Variants in SIMC1 observed in about 807,000 individuals in gnomAD.
SIMC1 encodes the protein SUMO-interacting motif-containing protein 1.
In SIMC1, 55 loss-of-function variants were observed where a neutral mutation model predicts 82.3. The observed-to-expected ratio is 0.67, with a 90% CI of 0.54 to 0.84. SIMC1 has a LOEUF of 0.84. Ranked by LOEUF, SIMC1 falls within the 40% of genes least tolerant of loss-of-function variation. The probability of loss-of-function intolerance (pLI) is 0.00; values close to 1 mark genes in which losing one functional copy is unlikely to be tolerated. For missense variants in SIMC1, 915 were observed against 1,107.2 expected, an observed-to-expected ratio of 0.83 and a Z score of 2.46; for synonymous variants, 353 against 426.3, an observed-to-expected ratio of 0.83 and a Z score of 2.12.
At chr5:176,325,344 C>T (rs368942230) in intron 7 of SIMC1, among the ~76,000 whole-genome samples, 1 of 151,856 alleles carries the variant, frequency 6.6e-6, no homozygotes, top group East Asian at 1.9e-4. Flanking sequence ...TGAGATTGCT[C>T]CACTGCACTC....
chr5:176,272,048 G>GA (rs1014631308), intron 1 of SIMC1, among the ~76,000 whole-genome samples: 4 of 143,658 alleles, frequency 2.8e-5, no homozygotes, highest in Admixed American at 7.1e-5. Context: ...ATAAAAATTA[G>GA]AAAAAAAACA....
intron 4 of SIMC1, among the ~76,000 whole-genome samples, chr5:176,312,229 T>G (rs567946529): frequency 2.6e-5 from 4 of 152,188 alleles, no homozygotes; most frequent in African/African-American, 9.6e-5. Context: ...TAGAAGACTT[T>G]CTTTTTATCA....
At chr5:176,246,249 A>T (rs1464686181) in intron 1 of SIMC1, among the ~76,000 whole-genome samples, 1 of 151,900 alleles carries the variant, frequency 6.6e-6, no homozygotes, top group Non-Finnish European at 1.5e-5. Flanking sequence ...TGACCTTGTG[A>T]TCCACCCACC....
chr5:176,308,293 C>T (rs1461256660), intron 4 of SIMC1: 2 of 1,466,802 alleles, frequency 1.4e-6, no homozygotes, highest in Non-Finnish European at 1.9e-6. Context: ...TTCGTTCTGT[C>T]ATCATCTTAA....
At chr5:176,263,277 A>G (rs1762077701) in intron 1 of SIMC1, 2 of 750,652 alleles carry the variant, frequency 2.7e-6, no homozygotes, top group African/African-American at 1.8e-5. Context: ...ATGAACATCA[A>G]CAAACTGATT....
chr5:176,313,358 C>T, intron 4 of SIMC1: 4 of 1,504,648 alleles, frequency 2.7e-6, no homozygotes, highest in Non-Finnish European at 3.5e-6. Context: ...AAATGATCTA[C>T]AATCCTAGAG....
rs758764505 is a variant in SIMC1 at position 176,290,543 on chromosome 5, G to C, written c.1019G>C (p.Gly340Ala). Residue 340 changes from glycine to alanine, a missense_variant, in exon 2 of 10, where the codon GGA becomes GCA. Around this residue, in one of 2 missense-constraint regions of SIMC1, gnomAD observed 902 missense variants for 1,040.3 expected, o/e 0.87. Transcript: ENST00000429602. ...QSPGGMPHLP[G>A]DVLHSPGDMP... The stretch of plus-strand genomic sequence containing the variant: ...CCAGGGGGCATGCCACACTTACCGG[G>C]AGATGTGTTACATTCACCTGGAGAC... 7.4e-6 allele frequency: 12 copies of C among 1,613,964 alleles called. No homozygotes were observed. Among genetic ancestry groups the C allele is most frequent in the Non-Finnish European group, 1.0e-5 (12 of 1,179,884 alleles).
chr5:176,335,016 G>A (rs995712638), intron 7 of SIMC1, among the ~76,000 whole-genome samples: 56 of 151,766 alleles, frequency 3.7e-4, no homozygotes, highest in African/African-American at 1.2e-3. Context: ...GCTTGAACCC[G>A]GGGGGTGGGG....
chr5:176,249,868 G>T (rs1377435345), intron 1 of SIMC1, among the ~76,000 whole-genome samples: 4 of 121,352 alleles, frequency 3.3e-5, no homozygotes, highest in Non-Finnish European at 5.3e-5. Context: ...AAAAAAACCA[G>T]CTCCTGAATT....
chr5:176,305,209 C>T (rs1380804014), intron 4 of SIMC1, among the ~76,000 whole-genome samples: 5 of 89,050 alleles, frequency 5.6e-5, no homozygotes, highest in African/African-American at 8.0e-5. Flanking sequence ...GCCCCCCGCC[C>T]GGCCAGCCGC....
Position 176,315,341 on chromosome 5 carries a change from G to A in SIMC1, c.1889+1496G>A, listed in dbSNP as rs547495803. Among the ~76,000 whole-genome samples, 7 of 152,240 alleles carry A rather than the reference G, an allele frequency of 4.6e-5. No individual in the cohort carries two copies. In the South Asian group the frequency reaches 1.0e-3, roughly 23 times the overall value. ...GAACTAATAGAGTGAGAACTCACTC[G>A]TTACCATGAGGACAGCACCAAGACA... On this transcript the variant is annotated intron_variant, in intron 5 of 9. Transcript: ENST00000429602.
intron 4 of SIMC1, among the ~76,000 whole-genome samples, chr5:176,309,248 A>G (rs897518742): frequency 2.0e-5 from 3 of 152,246 alleles, no homozygotes; most frequent in African/African-American, 7.2e-5. Context: ...ATTTTGAAAA[A>G]GTGCAAAAGC....
chr5:176,277,865 T>C (rs1162918583), intron 1 of SIMC1, among the ~76,000 whole-genome samples: 6 of 151,536 alleles, frequency 4.0e-5, no homozygotes, highest in Non-Finnish European at 7.4e-5. Context: ...TGTAGTATAG[T>C]TTGAAGTCAG....
At chr5:176,323,844 C>T (rs539722332) in intron 6 of SIMC1, among the ~76,000 whole-genome samples, 16 of 152,120 alleles carry the variant, frequency 1.1e-4, no homozygotes, top group African/African-American at 2.9e-4. Flanking sequence ...AAAAAATAGC[C>T]GGGCATGGTG....
intron 4 of SIMC1, among the ~76,000 whole-genome samples, chr5:176,306,930 A>AT: frequency 9.0e-6 from 1 of 111,726 alleles, no homozygotes; most frequent in East Asian, 2.5e-4. Context: ...TTAAAAAAAA[A>AT]AAATAATAAA....
chr5:176,336,678 A>G (rs377642720), intron 7 of SIMC1, 42 bp from the exon 8 acceptor site: 3 of 1,604,566 alleles, frequency 1.9e-6, no homozygotes, highest in African/African-American at 1.3e-5. Flanking sequence ...TCTTTGAAGC[A>G]TAGTTGTGAT....
At chr5:176,291,929 A>G (rs1421294285) in intron 2 of SIMC1, among the ~76,000 whole-genome samples, 1 of 152,120 alleles carries the variant, frequency 6.6e-6, no homozygotes, top group Non-Finnish European at 1.5e-5. Flanking sequence ...GGTGGCATGC[A>G]CCTGTAATCC....
intron 1 of SIMC1, among the ~76,000 whole-genome samples, chr5:176,282,240 G>A (rs1286193822): frequency 6.6e-6 from 1 of 152,246 alleles, no homozygotes; most frequent in Non-Finnish European, 1.5e-5. Context: ...CAAGCCAGGT[G>A]CAGGATATAA....
intron 9 of SIMC1, among the ~76,000 whole-genome samples, chr5:176,341,013 G>T (rs986030271): frequency 1.3e-5 from 2 of 152,158 alleles, no homozygotes; most frequent in Non-Finnish European, 2.9e-5. Flanking sequence ...CAGGCGTGGT[G>T]GTGGGTGCCT....
Sources: gnomAD v4.1 joint callset for allele counts (sites outside exome capture counted in the v4.1 genomes callset) on GRCh38, gnomAD v4.1.1 for gene constraint, gnomAD v4.1.1 regional missense constraint, MANE v1.5 for transcripts, NCBI Gene and HGNC (gene_info 2026-07-23, HGNC 2026-07-21) for gene names.